FOXP2: variants seen among roughly 807,000 people sequenced by gnomAD.
The protein encoded by FOXP2 is forkhead box P2.
Under a neutral mutation model 115.8 loss-of-function variants are expected in FOXP2, and 12 were observed. That is an observed-to-expected ratio of 0.10 (90% CI 0.07 to 0.17). The LOEUF is 0.17. Ranked by LOEUF, FOXP2 falls within the 10% of genes least tolerant of loss-of-function variation. FOXP2 has a pLI of 1.00. For synonymous variants in FOXP2, 328 were observed against 297.7 expected (o/e 1.10, Z -1.05); for missense variants, 629 against 843.5 (o/e 0.75, Z 3.15).
chr7:114,290,871 T>C (rs1056086901), intron 2 of FOXP2, among the ~76,000 whole-genome samples: 7 of 152,140 alleles, frequency 4.6e-5, no homozygotes, highest in African/African-American at 1.4e-4. Flanking sequence ...TACAGTTGAA[T>C]TGAGGATTAA....
At chr7:114,176,020 A>G (rs1793279494) in intron 1 of FOXP2, among the ~76,000 whole-genome samples, 1 of 152,054 alleles carries the variant, frequency 6.6e-6, no homozygotes, top group South Asian at 2.1e-4. Context: ...ATTTTACTAT[A>G]TTGAATTAGT....
chr7:114,332,584 T>G (rs1324008339), intron 2 of FOXP2, among the ~76,000 whole-genome samples: 1 of 152,176 alleles, frequency 6.6e-6, no homozygotes, highest in Non-Finnish European at 1.5e-5. Context: ...ACATACTGTA[T>G]TTTATTTGTC....
intron 3 of FOXP2, among the ~76,000 whole-genome samples, chr7:114,565,170 A>G (rs553379570): frequency 6.6e-6 from 1 of 151,840 alleles, no homozygotes; most frequent in Non-Finnish European, 1.5e-5. Context: ...TACAAAAAAG[A>G]AAAACAAAAA....
intron 1 of FOXP2, among the ~76,000 whole-genome samples, chr7:114,202,355 T>A (rs1029345332): frequency 2.0e-5 from 3 of 152,202 alleles, no homozygotes; most frequent in African/African-American, 7.2e-5. Context: ...GGCTATAGGC[T>A]TATAAGGCAT....
chr7:114,389,124 A>G (rs2129193789), intron 2 of FOXP2, among the ~76,000 whole-genome samples: 1 of 152,348 alleles, frequency 6.6e-6, no homozygotes, highest in Middle Eastern at 3.4e-3. Context: ...ATTCCTTCAT[A>G]TCATAGGTAT....
chr7:114,246,612 A>C (rs1013215961), intron 1 of FOXP2, among the ~76,000 whole-genome samples: 1 of 152,082 alleles, frequency 6.6e-6, no homozygotes, highest in African/African-American at 2.4e-5. Flanking sequence ...TAACTAATTC[A>C]TTCATTTTTT....
intron 2 of FOXP2, among the ~76,000 whole-genome samples, chr7:114,439,685 C>T (rs749141376): frequency 6.6e-5 from 10 of 152,014 alleles, no homozygotes; most frequent in Non-Finnish European, 1.2e-4. Flanking sequence ...GCTAGGACTA[C>T]AGGTGTGCAC....
chr7:114,306,468 T>C (rs1276282561), intron 2 of FOXP2, among the ~76,000 whole-genome samples: 2 of 152,172 alleles, frequency 1.3e-5, no homozygotes, highest in African/African-American at 4.8e-5. Flanking sequence ...TTAAGGTTAT[T>C]CACTGCAAAC....
chr7:114,624,381 A>C (rs1222165591), intron 3 of FOXP2, among the ~76,000 whole-genome samples: 1 of 151,930 alleles, frequency 6.6e-6, no homozygotes, highest in Non-Finnish European at 1.5e-5. Context: ...ACTAGTTGGC[A>C]GACCGTGTTA....
intron 3 of FOXP2, among the ~76,000 whole-genome samples, chr7:114,539,503 A>G (rs1387671895): frequency 6.6e-6 from 1 of 151,896 alleles, no homozygotes; most frequent in Non-Finnish European, 1.5e-5. Context: ...TTTACTATTT[A>G]TATTTTCTGT....
At chr7:114,570,948 A>G (rs1801270985) in intron 3 of FOXP2, 1 of 1,326,046 alleles carries the variant, frequency 7.5e-7, no homozygotes, top group Admixed American at 1.7e-5. Context: ...GTCCCACTAA[A>G]TAGATTATAT....
intron 2 of FOXP2, among the ~76,000 whole-genome samples, chr7:114,324,028 T>C (rs1386645890): frequency 6.6e-6 from 1 of 151,912 alleles, no homozygotes; most frequent in Non-Finnish European, 1.5e-5. Context: ...ACCATATGTT[T>C]GACTTTTAAA....
intron 2 of FOXP2, among the ~76,000 whole-genome samples, chr7:114,319,446 AG>A (rs1470269987): frequency 6.6e-6 from 1 of 152,236 alleles, no homozygotes; most frequent in Non-Finnish European, 1.5e-5. Flanking sequence ...CAGAAGAAAG[AG>A]GTTTATTGGA....
chr7:114,535,338 G>GT (rs1441680960), intron 3 of FOXP2, among the ~76,000 whole-genome samples: 2 of 151,280 alleles, frequency 1.3e-5, no homozygotes, highest in African/African-American at 4.8e-5. Context: ...CATTTTCTTG[G>GT]TGGGGGGGGA....
chr7:114,119,081 A>G (rs1791486901), intron 1 of FOXP2, among the ~76,000 whole-genome samples: 1 of 152,188 alleles, frequency 6.6e-6, no homozygotes, highest in Non-Finnish European at 1.5e-5. Flanking sequence ...AAAAATATGC[A>G]TAGGTTTTAA....
chr7:114,576,225 C>T (rs1237631622), intron 3 of FOXP2, among the ~76,000 whole-genome samples: 1 of 151,810 alleles, frequency 6.6e-6, no homozygotes, highest in Non-Finnish European at 1.5e-5. Context: ...TTTTTAAAGC[C>T]TTGGCTGACA....
At chr7:114,244,697 T>TA (rs1476745536) in intron 1 of FOXP2, among the ~76,000 whole-genome samples, 4 of 152,234 alleles carry the variant, frequency 2.6e-5, no homozygotes, top group Non-Finnish European at 5.9e-5. Flanking sequence ...GATATACTAA[T>TA]ACTGGCATGT....
chr7:114,279,029 C>G (rs1295603496), intron 1 of FOXP2, among the ~76,000 whole-genome samples: 2 of 151,938 alleles, frequency 1.3e-5, no homozygotes, highest in African/African-American at 4.8e-5. Context: ...GGTGGAGGTA[C>G]CTCGGTGTTG....
chr7:114,520,656 G>GTAGA (rs552044783), intron 2 of FOXP2, among the ~76,000 whole-genome samples: 1 of 152,012 alleles, frequency 6.6e-6, no homozygotes, highest in Non-Finnish European at 1.5e-5. Flanking sequence ...AGGTAGGTAG[G>GTAGA]TAGATAGATA....
Sources: gnomAD v4.1 joint callset for allele counts (sites outside exome capture counted in the v4.1 genomes callset) on GRCh38, gnomAD v4.1.1 for gene constraint, MANE v1.5 for transcripts, NCBI Gene and HGNC (gene_info 2026-07-23, HGNC 2026-07-21) for gene names.